LAMC1: variants seen among roughly 807,000 people sequenced by gnomAD.
The protein encoded by LAMC1 is laminin subunit gamma-1.
Under a neutral mutation model 173.6 loss-of-function variants are expected in LAMC1, and 38 were observed. The observed-to-expected ratio is 0.22, with a 90% confidence interval of 0.17 to 0.29. The LOEUF is 0.29. LAMC1 is among the 10% of genes least tolerant of loss of function. LAMC1 has a pLI of 1.00. For synonymous variants in LAMC1, 746 were observed against 749.1 expected, an observed-to-expected ratio of 1.00 and a Z score of 0.07; for missense variants, 1,824 against 2,051.8, an observed-to-expected ratio of 0.89 and a Z score of 2.14.
intron 1 of LAMC1, among the ~76,000 whole-genome samples, chr1:183,070,672 G>T (rs1325379596): frequency 6.6e-6 from 1 of 152,120 alleles, no homozygotes; most frequent in Non-Finnish European, 1.5e-5. Flanking sequence ...GGCTTAAGGA[G>T]AAAATAAACT....
In LAMC1 at chr1:183,039,272, C is replaced by T. The variant is rs1425982855; in HGVS notation, c.418+15138C>T. Among the ~76,000 whole-genome samples the T allele has an allele frequency of 9.9e-5, 6 of 60,462 alleles. No individual in the cohort carries two copies. In the South Asian group the frequency reaches 1.7e-3, roughly 17 times the overall value. The allele number at this position is 60,462 out of a possible 152,430, so 39.7% of individuals were successfully genotyped here. A position where few individuals can be genotyped will look rare whatever the true frequency, so the allele number is the denominator to read the frequency against. On this transcript the variant is annotated intron_variant, in intron 1 of 27. Coordinates refer to ENST00000258341, the MANE Select transcript of LAMC1 (RefSeq NM_002293.4). ...CTAAGGATAAAGATTGTGGTGGGGT[C>T]GGGGGAGGGTTAGAAACCAAAAGAG...
At chr1:183,097,230 G>C (rs1344080194) in intron 1 of LAMC1, among the ~76,000 whole-genome samples, 1 of 152,174 alleles carries the variant, frequency 6.6e-6, no homozygotes, top group Admixed American at 6.5e-5. Context: ...TGTGTTAACT[G>C]TTTGGAGATC....
intron 2 of LAMC1, among the ~76,000 whole-genome samples, chr1:183,105,053 A>G (rs2027079): frequency 8.2e-6 from 1 of 121,692 alleles, no homozygotes; most frequent in Admixed American, 8.5e-5. Flanking sequence ...TACTAAAAAT[A>G]CAAAAAAAAA....
chr1:183,068,154 C>A (rs1654923198), intron 1 of LAMC1, among the ~76,000 whole-genome samples: 1 of 151,618 alleles, frequency 6.6e-6, no homozygotes, highest in South Asian at 2.1e-4. Flanking sequence ...AAATGGATTT[C>A]TTTTTTTTAA....
intron 1 of LAMC1, among the ~76,000 whole-genome samples, chr1:183,024,827 A>G (rs77619662): frequency 1.3e-5 from 2 of 152,192 alleles, no homozygotes; most frequent in Non-Finnish European, 1.5e-5. Context: ...GCTCTCCTTT[A>G]CTGTCTTCCC....
At chr1:183,039,398 T>C (rs1178221019) in intron 1 of LAMC1, among the ~76,000 whole-genome samples, 1 of 152,208 alleles carries the variant, frequency 6.6e-6, no homozygotes, top group Admixed American at 6.5e-5. Context: ...TTCGGAGCAG[T>C]CCATACATAG....
intron 1 of LAMC1, among the ~76,000 whole-genome samples, chr1:183,068,277 A>G (rs950215130): frequency 2.6e-5 from 4 of 151,096 alleles, no homozygotes; most frequent in Admixed American, 1.3e-4. Context: ...GAATACACAC[A>G]ATCTCAATGC....
chr1:183,142,513 A>G (rs560298632), intron 27 of LAMC1, 21 bp from the exon 28 acceptor site: 108 of 1,591,640 alleles, frequency 6.8e-5, no homozygotes, highest in Non-Finnish European at 8.7e-5. Flanking sequence ...GTTCTCTTCT[A>G]TGTACTTTCT....
At chr1:183,121,239 T>C (rs1656462704) in intron 11 of LAMC1, among the ~76,000 whole-genome samples, 1 of 146,962 alleles carries the variant, frequency 6.8e-6, no homozygotes, top group Admixed American at 7.0e-5. Flanking sequence ...GCCAACATGG[T>C]GAAACCCTGT....
intron 1 of LAMC1, among the ~76,000 whole-genome samples, chr1:183,054,879 A>G (rs1483784284): frequency 6.6e-6 from 1 of 152,134 alleles, no homozygotes; most frequent in Non-Finnish European, 1.5e-5. Flanking sequence ...GGAGCAGGCC[A>G]GGAAGCCAGT....
At chr1:183,137,638 T>A (rs747101571) in intron 25 of LAMC1, 31 bp from the exon 26 acceptor site, 7 of 1,489,912 alleles carry the variant, frequency 4.7e-6, no homozygotes, top group African/African-American at 4.3e-5. Context: ...AAAGCTTTTT[T>A]AAAAAAAGTA....
At chr1:183,140,372 T>G (rs757350325) in intron 26 of LAMC1, 32 bp from the exon 27 acceptor site, 2 of 1,361,864 alleles carry the variant, frequency 1.5e-6, no homozygotes, top group South Asian at 1.2e-5. Flanking sequence ...AAACATACAG[T>G]CAAGACTCTT....
intron 1 of LAMC1, among the ~76,000 whole-genome samples, chr1:183,067,422 G>T (rs1265965253): frequency 6.6e-6 from 1 of 152,110 alleles, no homozygotes; most frequent in East Asian, 1.9e-4. Flanking sequence ...GTTGGCAGTA[G>T]TAGTTTCCTA....
Position 183,144,972 on chromosome 1 carries a change from CAGG to C in LAMC1, c.*2185_*2187del, listed in dbSNP as rs886323480. On this transcript the variant is annotated 3_prime_UTR_variant, in exon 28 of 28. Transcript: ENST00000258341. Reference sequence around the variant, plus strand: ...TTCTCCCAGGCCTCTTCTACTATGGCAGGAGATGTGGCGTGCTGTTGCAAAGTT... The same window carrying C: ...TTCTCCCAGGCCTCTTCTACTATGGCAGATGTGGCGTGCTGTTGCAAAGTT... The C allele has an allele frequency of 1.3e-5, 2 of 152,194 alleles. No homozygotes were observed. Among genetic ancestry groups the C allele is most frequent in the African/African-American group, 4.8e-5 (2 of 41,430 alleles). 9.4% of individuals were successfully genotyped at this position (152,194 alleles called of 1,614,324 possible).
chr1:183,031,418 C>T (rs1653847003), intron 1 of LAMC1, among the ~76,000 whole-genome samples: 1 of 152,148 alleles, frequency 6.6e-6, no homozygotes, highest in South Asian at 2.1e-4. Context: ...TATTCTTCTG[C>T]CTCAGCCTCC....
intron 1 of LAMC1, among the ~76,000 whole-genome samples, chr1:183,047,517 AT>A (rs1217769720): frequency 6.6e-6 from 1 of 152,222 alleles, no homozygotes; most frequent in Non-Finnish European, 1.5e-5. Context: ...AAAGGATTGC[AT>A]TTAAAAGACT....
chr1:183,121,752 G>C lies in LAMC1; in HGVS notation c.2020G>C (p.Ala674Pro), dbSNP rs1187279581. ...TGGATATTTGGATGATGTCACCCTGGCAAGTGCTCGTCCTGGGCCTGGAGT... is the reference window on the plus strand; with the variant it reads ...TGGATATTTGGATGATGTCACCCTGCCAAGTGCTCGTCCTGGGCCTGGAGT... ...SAGYLDDVTL[A>P]SARPGPGVPA... is the part of the protein sequence containing the mutation. Residue 674 changes from alanine (A) to proline (P), a missense_variant, in exon 12 of 28, where the codon GCA becomes CCA. Transcript: ENST00000258341. 1 of 1,613,944 alleles carries C rather than the reference G, an allele frequency of 6.2e-7. No individual in the cohort carries two copies. The highest frequency in any genetic ancestry group is 8.5e-7 in the Non-Finnish European group (1 of 1,179,992).
intron 4 of LAMC1, among the ~76,000 whole-genome samples, chr1:183,111,288 T>C (rs893238850): frequency 6.6e-6 from 1 of 152,098 alleles, no homozygotes; most frequent in East Asian, 1.9e-4. Flanking sequence ...GGTTTCACCA[T>C]GTTGGCCAGG....
chr1:183,139,467 C>G (rs1156318668), intron 26 of LAMC1, among the ~76,000 whole-genome samples: 1 of 152,196 alleles, frequency 6.6e-6, no homozygotes, highest in Non-Finnish European at 1.5e-5. Context: ...TTTCTCCCTC[C>G]TTTTACACTC....
Sources: gnomAD v4.1 joint callset for allele counts (sites outside exome capture counted in the v4.1 genomes callset) on GRCh38, gnomAD v4.1.1 for gene constraint, MANE v1.5 for transcripts, NCBI Gene and HGNC (gene_info 2026-07-23, HGNC 2026-07-21) for gene names.